Variants in TMEM131L observed in about 807,000 individuals in gnomAD.
TMEM131L encodes transmembrane protein 131-like.
Under a neutral mutation model 192.2 loss-of-function variants are expected in TMEM131L, and 54 were observed. The ratio of observed to expected loss-of-function variants is 0.28; its 90% CI spans 0.23 to 0.35. The LOEUF (loss-of-function observed/expected upper bound fraction) is 0.35, where lower values mean the gene tolerates loss of function less well. TMEM131L is among the 10% of genes least tolerant of loss of function. The pLI is 1.00. For synonymous variants in TMEM131L, 701 were observed against 704.9 expected, an observed-to-expected ratio of 0.99 and a Z score of 0.09; for missense variants, 1,888 against 1,972.9, an observed-to-expected ratio of 0.96 and a Z score of 0.82.
At chr4:153,618,327 A>C in intron 26 of TMEM131L, among the ~76,000 whole-genome samples, 1 of 152,000 alleles carries the variant, frequency 6.6e-6, no homozygotes, top group Non-Finnish European at 1.5e-5. Flanking sequence ...ATAAAAAAAA[A>C]ATAGCTGGGC....
At chr4:153,472,860 G>C (rs1731256060) in intron 2 of TMEM131L, among the ~76,000 whole-genome samples, 1 of 152,194 alleles carries the variant, frequency 6.6e-6, no homozygotes, top group Non-Finnish European at 1.5e-5. Context: ...GATCAGACTG[G>C]TAATACCCTG....
intron 5 of TMEM131L, among the ~76,000 whole-genome samples, chr4:153,556,117 G>C (rs1459640767): frequency 5.9e-5 from 9 of 151,366 alleles, no homozygotes; most frequent in Non-Finnish European, 1.2e-4. Flanking sequence ...TACTGGGGCC[G>C]GGGGGAGGTG....
intron 7 of TMEM131L, among the ~76,000 whole-genome samples, chr4:153,564,551 TA>T (rs781237860): frequency 6.1e-4 from 93 of 152,310 alleles, no homozygotes; most frequent in Non-Finnish European, 1.2e-3. Context: ...ATTGCTTTTT[TA>T]AACCTTGTCA....
Position 153,604,042 on chromosome 4 carries a change from G to A in TMEM131L, c.3030G>A (p.Leu1010=), listed in dbSNP as rs759341985. The part of the protein sequence containing the change: ...TTTEEKQTSP[L]GSSLPAAKED... ...CTGAGGAAAAACAGACTTCACCCCT[G>A]GGCAGCTCACTGCCTGCTGCTAAAG... The change falls in exon 25 of 35, where the codon CTG becomes CTA. Residue 1010 remains leucine (L), a synonymous_variant. Coordinates refer to ENST00000409959, the MANE Select transcript of TMEM131L (RefSeq NM_001131007.2). 2 of 1,614,142 alleles carry A rather than the reference G, an allele frequency of 1.2e-6. No individual in the cohort carries two copies. Among genetic ancestry groups the A allele is most frequent in the Admixed American group, 1.7e-5 (1 of 60,014 alleles).
chr4:153,534,257 C>T (rs867145142), intron 3 of TMEM131L, among the ~76,000 whole-genome samples: 3 of 151,746 alleles, frequency 2.0e-5, no homozygotes, highest in South Asian at 2.1e-4. Context: ...GAGAAAACTG[C>T]GAAACTAAAT....
At chr4:153,540,685 G>A (rs566852325) in intron 3 of TMEM131L, among the ~76,000 whole-genome samples, 2 of 152,380 alleles carry the variant, frequency 1.3e-5, no homozygotes, top group East Asian at 3.9e-4. Context: ...CAGCTACCAA[G>A]TTGCTTAAAG....
intron 7 of TMEM131L, among the ~76,000 whole-genome samples, chr4:153,573,324 A>C (rs1355787081): frequency 1.3e-5 from 2 of 152,286 alleles, no homozygotes; most frequent in African/African-American, 4.8e-5. Flanking sequence ...AAGCGACGGC[A>C]GCCTGCATCA....
intron 2 of TMEM131L, among the ~76,000 whole-genome samples, chr4:153,469,949 CAAACAAAA>C (rs1231363333): frequency 6.6e-6 from 1 of 150,536 alleles, no homozygotes; most frequent in Non-Finnish European, 1.5e-5. Context: ...AACAAACAAA[CAAACAAAA>C]AAACCAGTAA....
intron 3 of TMEM131L, among the ~76,000 whole-genome samples, chr4:153,548,018 G>A (rs1284419408): frequency 7.4e-6 from 1 of 134,428 alleles, no homozygotes; most frequent in Non-Finnish European, 1.5e-5. Context: ...GAAGTTGCCT[G>A]TTTTTTTTTT....
At position 153,588,096 on chromosome 4, in the gene TMEM131L, A is replaced by G. The variant is rs183678360; in HGVS notation, c.1552+285A>G. Among the ~76,000 whole-genome samples the G allele has an allele frequency of 8.6e-5, 13 of 151,190 alleles. No individual in the cohort carries two copies. The East Asian group carries it at 2.3e-3, about 27-fold the overall frequency. Reference sequence around the variant, plus strand: ...TTCGATCATCACAGCACCCATAGGAAAAATTGGAAGATTCTGATTCTTTTA... The same window carrying G: ...TTCGATCATCACAGCACCCATAGGAGAAATTGGAAGATTCTGATTCTTTTA... On this transcript the variant is annotated intron_variant, in intron 15 of 34. Coordinates refer to ENST00000409959, the MANE Select transcript of TMEM131L (RefSeq NM_001131007.2).
chr4:153,588,850 T>G, intron 15 of TMEM131L, 40 bp from the exon 16 acceptor site: 1 of 1,067,518 alleles, frequency 9.4e-7, no homozygotes, highest in Non-Finnish European at 1.5e-6. Flanking sequence ...TGAATTATGT[T>G]TTCTGTAAAT....
intron 3 of TMEM131L, among the ~76,000 whole-genome samples, chr4:153,549,110 G>T (rs558521714): frequency 2.0e-5 from 3 of 151,782 alleles, no homozygotes; most frequent in African/African-American, 4.8e-5. Flanking sequence ...GATTACAGGC[G>T]CATGCCACCA....
chr4:153,508,447 G>T (rs947758326), intron 3 of TMEM131L, among the ~76,000 whole-genome samples: 10 of 152,098 alleles, frequency 6.6e-5, no homozygotes, highest in Non-Finnish European at 1.5e-4. Context: ...AAATTATGTC[G>T]ATATTCCATC....
At chr4:153,538,462 A>G (rs545669328) in intron 3 of TMEM131L, among the ~76,000 whole-genome samples, 1 of 152,352 alleles carries the variant, frequency 6.6e-6, no homozygotes, top group Non-Finnish European at 1.5e-5. Flanking sequence ...GAAAGACAGC[A>G]GGAACCATCC....
At chr4:153,563,534 C>T (rs1289101187) in intron 7 of TMEM131L, among the ~76,000 whole-genome samples, 2 of 123,562 alleles carry the variant, frequency 1.6e-5, no homozygotes, top group Non-Finnish European at 3.2e-5. Context: ...GTGCTACTGT[C>T]TCAGCTCACT....
chr4:153,481,268 A>G (rs1407965312), intron 3 of TMEM131L, among the ~76,000 whole-genome samples: 1 of 152,052 alleles, frequency 6.6e-6, no homozygotes, highest in Admixed American at 6.6e-5. Context: ...TACCTTTCTC[A>G]GGGTACCCAA....
chr4:153,567,054 C>CAA (rs1729257612), intron 7 of TMEM131L, among the ~76,000 whole-genome samples: 1 of 152,196 alleles, frequency 6.6e-6, no homozygotes, highest in African/African-American at 2.4e-5. Context: ...TACTTGCCTT[C>CAA]TAAGGTGCTG....
At chr4:153,505,054 A>G (rs1163923115) in intron 3 of TMEM131L, among the ~76,000 whole-genome samples, 1 of 151,498 alleles carries the variant, frequency 6.6e-6, no homozygotes, top group Non-Finnish European at 1.5e-5. Context: ...ATGTCTTCAC[A>G]TAGTTTTCCC....
At chr4:153,630,689 G>C (rs899789590) in intron 31 of TMEM131L, among the ~76,000 whole-genome samples, 10 of 152,142 alleles carry the variant, frequency 6.6e-5, no homozygotes, top group African/African-American at 1.7e-4. Flanking sequence ...AGTGATTACT[G>C]CCCATAGGAT....
Sources: gnomAD v4.1 joint callset for allele counts (sites outside exome capture counted in the v4.1 genomes callset) on GRCh38, gnomAD v4.1.1 for gene constraint, MANE v1.5 for transcripts, NCBI Gene and HGNC (gene_info 2026-07-23, HGNC 2026-07-21) for gene names.